Variants in OR6N1 observed in about 807,000 individuals in gnomAD.
The protein encoded by OR6N1 is olfactory receptor 6N1.
For missense variants in OR6N1, 394 were observed against 371.7 expected, an observed-to-expected ratio of 1.06 and a Z score of -0.49; for synonymous variants, 170 against 150.7, an observed-to-expected ratio of 1.13 and a Z score of -0.94.
chr1:158,809,342 T>C, the OR6N1 span: 2 of 152,570 alleles, frequency 1.3e-5, no homozygotes, highest in Non-Finnish European at 2.9e-5. Context: ...CCATGATTCC[T>C]AGGAACAAGC....
chr1:158,786,561 C>G, the OR6N1 span, among the ~76,000 whole-genome samples: 1 of 152,244 alleles, frequency 6.6e-6, no homozygotes, highest in Admixed American at 6.5e-5. Context: ...TGTAGCAGCA[C>G]GATTTGCAAT....
chr1:158,793,385 T>G, the OR6N1 span, among the ~76,000 whole-genome samples: 2 of 152,182 alleles, frequency 1.3e-5, no homozygotes, highest in African/African-American at 4.8e-5. Context: ...TCTGGGTTCC[T>G]TCACATTTTG....
chr1:158,802,199 CTTTTTTTTTTTT>C, the OR6N1 span, among the ~76,000 whole-genome samples: 4 of 105,208 alleles, frequency 3.8e-5, no homozygotes, highest in East Asian at 2.8e-4. Context: ...CCTCATAGCA[CTTTTTTTTTTTT>C]TTTTTTTTTT....
the OR6N1 span, among the ~76,000 whole-genome samples, chr1:158,794,123 G>A: frequency 6.6e-6 from 1 of 152,290 alleles, no homozygotes; most frequent in South Asian, 2.1e-4. Flanking sequence ...TCACATCAAA[G>A]TATTTCAGAA....
the OR6N1 span, among the ~76,000 whole-genome samples, chr1:158,838,074 T>C: frequency 1.2e-4 from 18 of 152,088 alleles, 1 homozygote; most frequent in South Asian, 3.3e-3. Context: ...TTATAAATTG[T>C]TTTGCTTTCA....
At chr1:158,784,339 G>C in the OR6N1 span, among the ~76,000 whole-genome samples, 1 of 152,090 alleles carries the variant, frequency 6.6e-6, no homozygotes. Flanking sequence ...GCGATGTCTT[G>C]ATATATGTAT....
At chr1:158,798,969 C>A in the OR6N1 span, among the ~76,000 whole-genome samples, 2 of 152,170 alleles carry the variant, frequency 1.3e-5, no homozygotes, top group African/African-American at 4.8e-5. Context: ...TACATATGCC[C>A]AGTTCCCCCT....
the OR6N1 span, among the ~76,000 whole-genome samples, chr1:158,790,592 G>GT: frequency 6.6e-6 from 1 of 151,920 alleles, no homozygotes; most frequent in African/African-American, 2.4e-5. Flanking sequence ...TTTTAGTAGA[G>GT]ATGGGGTTTC....
At chr1:158,806,025 T>G in the OR6N1 span, among the ~76,000 whole-genome samples, 1 of 152,312 alleles carries the variant, frequency 6.6e-6, no homozygotes, top group Non-Finnish European at 1.5e-5. Context: ...TATAATTACC[T>G]ATTAATTAAT....
At chr1:158,827,137 G>A in the OR6N1 span, among the ~76,000 whole-genome samples, 2 of 152,138 alleles carry the variant, frequency 1.3e-5, no homozygotes, top group African/African-American at 2.4e-5. Flanking sequence ...GGAGAGAAGA[G>A]GGATGCTAGT....
the OR6N1 span, among the ~76,000 whole-genome samples, chr1:158,798,299 A>G: frequency 6.6e-6 from 1 of 150,838 alleles, no homozygotes; most frequent in Non-Finnish European, 1.5e-5. Context: ...CCCTAACATT[A>G]TTTTTCTAAT....
At chr1:158,777,797 T>C in the OR6N1 span, among the ~76,000 whole-genome samples, 1 of 152,240 alleles carries the variant, frequency 6.6e-6, no homozygotes, top group African/African-American at 2.4e-5. Context: ...AAAATATTAA[T>C]AGCTAACTCT....
At chr1:158,767,138 A>G (rs1558032248) in intron 1 of OR6N1, among the ~76,000 whole-genome samples, 1 of 152,104 alleles carries the variant, frequency 6.6e-6, no homozygotes, top group Non-Finnish European at 1.5e-5. Context: ...TTATTTTCTA[A>G]TTTCTCATTT....
the OR6N1 span, among the ~76,000 whole-genome samples, chr1:158,784,307 G>A: frequency 6.6e-6 from 1 of 152,148 alleles, no homozygotes; most frequent in South Asian, 2.1e-4. Context: ...CATAATAATT[G>A]TACATATTTA....
chr1:158,796,522 TAC>T, the OR6N1 span, among the ~76,000 whole-genome samples: 3 of 152,230 alleles, frequency 2.0e-5, no homozygotes, highest in Non-Finnish European at 4.4e-5. Flanking sequence ...TAAAGAATTT[TAC>T]AGTTTAGCAA....
At chr1:158,776,580 G>A (rs544505102), upstream of OR6N1, 3 of 653,836 alleles carry the variant, frequency 4.6e-6, no homozygotes, top group Non-Finnish European at 7.9e-6. Context: ...TCTTTGAAGA[G>A]GTGAAAGGAA....
chr1:158,800,412 T>C, the OR6N1 span, among the ~76,000 whole-genome samples: 1 of 152,312 alleles, frequency 6.6e-6, no homozygotes, highest in Non-Finnish European at 1.5e-5. Flanking sequence ...GGTTTGACAA[T>C]ATTAAAATTG....
the OR6N1 span, among the ~76,000 whole-genome samples, chr1:158,826,866 T>C: frequency 6.6e-6 from 1 of 152,068 alleles, no homozygotes. Context: ...TCAGTTGGTA[T>C]AGTAGGACAA....
At chr1:158,779,018 C>CCAAAAAAAAAAAAA in the OR6N1 span, among the ~76,000 whole-genome samples, 2 of 86,408 alleles carry the variant, frequency 2.3e-5, no homozygotes, top group African/African-American at 1.1e-4. Context: ...GACTGCGTCT[C>CCAAAAAAAAAAAAA]AAAAAAAAAA....
Sources: allele counts gnomAD v4.1 joint callset (sites outside exome capture counted in the v4.1 genomes callset), GRCh38; gene constraint gnomAD v4.1.1; transcripts MANE v1.5; gene names NCBI Gene and HGNC (gene_info 2026-07-23, HGNC 2026-07-21).